PTPRD: variants seen among roughly 807,000 people sequenced by gnomAD.
The protein encoded by PTPRD is receptor-type tyrosine-protein phosphatase delta.
PTPRD carries 34 observed loss-of-function variants against 214.5 expected under a neutral mutation model. The ratio of observed to expected loss-of-function variants is 0.16; its 90% confidence interval spans 0.12 to 0.21. The LOEUF is 0.21. Ranked by LOEUF, PTPRD falls within the 10% of genes least tolerant of loss-of-function variation. The pLI, the probability that PTPRD is intolerant of heterozygous loss-of-function variation, is 1.00. For synonymous variants in PTPRD, 1,128 were observed against 845.7 expected (o/e 1.33, Z -5.79); for missense variants, 2,545 against 2,398.7 (o/e 1.06, Z -1.27).
intron 2 of PTPRD, among the ~76,000 whole-genome samples, chr9:10,498,202 G>A (rs982509554): frequency 1.3e-5 from 2 of 151,868 alleles, no homozygotes; most frequent in Non-Finnish European, 2.9e-5. Flanking sequence ...TGCCACCACG[G>A]ATTCTGATGC....
intron 8 of PTPRD, among the ~76,000 whole-genome samples, chr9:9,485,862 C>T (rs928372138): frequency 6.6e-6 from 1 of 152,070 alleles, no homozygotes; most frequent in East Asian, 1.9e-4. Flanking sequence ...TCTCTACTGC[C>T]TTCCCTTGGG....
chr9:10,385,515 C>T (rs543392881), intron 2 of PTPRD, among the ~76,000 whole-genome samples: 6 of 151,512 alleles, frequency 4.0e-5, no homozygotes, highest in Non-Finnish European at 7.4e-5. Flanking sequence ...TAAGTAAGTT[C>T]AAAGAATATA....
intron 7 of PTPRD, among the ~76,000 whole-genome samples, chr9:9,575,717 CAAAAAAAAAAAAAA>C (rs757614546): frequency 2.4e-4 from 8 of 33,312 alleles, no homozygotes; most frequent in Non-Finnish European, 3.7e-4. Context: ...AAGACTGTCT[CAAAAAAAAAAAAAA>C]AAAAAAAAAA....
chr9:10,156,713 G>C (rs2099095548), intron 3 of PTPRD, among the ~76,000 whole-genome samples: 1 of 152,134 alleles, frequency 6.6e-6, no homozygotes, highest in African/African-American at 2.4e-5. Context: ...TCAGTGTTCT[G>C]TCTAATACTG....
intron 9 of PTPRD, among the ~76,000 whole-genome samples, chr9:9,369,163 G>A (rs1019203033): frequency 6.6e-6 from 1 of 151,946 alleles, no homozygotes; most frequent in African/African-American, 2.4e-5. Flanking sequence ...GTCTATCATT[G>A]TTGGACATTT....
At chr9:9,794,908 T>A (rs1185513344) in intron 5 of PTPRD, among the ~76,000 whole-genome samples, 3 of 152,144 alleles carry the variant, frequency 2.0e-5, no homozygotes, top group African/African-American at 7.2e-5. Flanking sequence ...AAGGGGAAGA[T>A]AACAGTTTAG....
At chr9:9,126,239 G>C (rs1325343538) in intron 10 of PTPRD, among the ~76,000 whole-genome samples, 1 of 152,146 alleles carries the variant, frequency 6.6e-6, no homozygotes, top group East Asian at 1.9e-4. Flanking sequence ...AAAATACACT[G>C]AAGCTAACGA....
intron 3 of PTPRD, among the ~76,000 whole-genome samples, chr9:10,192,496 C>G (rs2099369863): frequency 2.0e-5 from 3 of 147,302 alleles, no homozygotes; most frequent in Non-Finnish European, 3.0e-5. Context: ...CACTACATTC[C>G]TTCCTTTAAA....
chr9:10,574,813 C>CATATAT (rs143887636), intron 2 of PTPRD, among the ~76,000 whole-genome samples: 6,501 of 136,286 alleles, frequency 0.048, 179 homozygotes, highest in African/African-American at 0.082. Context: ...TATGTGTGTG[C>CATATAT]ATATATATAT....
At chr9:9,908,627 T>C (rs909056940) in intron 5 of PTPRD, among the ~76,000 whole-genome samples, 1 of 152,044 alleles carries the variant, frequency 6.6e-6, no homozygotes, top group Non-Finnish European at 1.5e-5. Context: ...TAGTTGTCTA[T>C]GCAGTCTTTA....
rs971254588 is a variant in PTPRD, at chr9:10,212,996, T to C, written c.-545+127967A>G. On this transcript the variant is annotated intron_variant, in intron 3 of 45. Transcript: ENST00000381196. ...GTAACCTTAATCTACCATTTTCTAA[T>C]AGTTACCCTTGTATCATTGTTTGGC... 4.6e-5 allele frequency among the ~76,000 whole-genome samples: 7 copies of C among 152,270 alleles called. No homozygotes were observed. The East Asian group carries it at 1.2e-3, about 25-fold the overall frequency.
chr9:9,383,043 A>AT (rs5896324), intron 9 of PTPRD, among the ~76,000 whole-genome samples: 41,255 of 151,884 alleles, frequency 0.27, 5,802 homozygotes, highest in Middle Eastern at 0.38. Context: ...CTTAGGTAAA[A>AT]TTCCCTGCCA....
intron 9 of PTPRD, among the ~76,000 whole-genome samples, chr9:9,261,955 G>A (rs2099980313): frequency 6.6e-6 from 1 of 151,688 alleles, no homozygotes; most frequent in South Asian, 2.1e-4. Context: ...GCAGATAAAG[G>A]AAAGGAAATC....
At chr9:8,612,360 G>C (rs1211372504) in intron 14 of PTPRD, among the ~76,000 whole-genome samples, 1 of 152,198 alleles carries the variant, frequency 6.6e-6, no homozygotes, top group Non-Finnish European at 1.5e-5. Flanking sequence ...TAAAGGCCAA[G>C]ATTAAATGTA....
At chr9:10,377,252 G>A (rs1017970085) in intron 2 of PTPRD, among the ~76,000 whole-genome samples, 1 of 151,842 alleles carries the variant, frequency 6.6e-6, no homozygotes, top group Non-Finnish European at 1.5e-5. Flanking sequence ...TTTTATGGAT[G>A]AATAGCACTC....
At chr9:10,018,769 T>C (rs1206723536) in intron 4 of PTPRD, among the ~76,000 whole-genome samples, 1 of 151,614 alleles carries the variant, frequency 6.6e-6, no homozygotes, top group African/African-American at 2.4e-5. Flanking sequence ...CGGGATGGTC[T>C]CGATCTCCTG....
intron 11 of PTPRD, among the ~76,000 whole-genome samples, chr9:8,736,955 G>C (rs1374171355): frequency 1.3e-5 from 2 of 152,166 alleles, no homozygotes; most frequent in African/African-American, 2.4e-5. Context: ...CCTCATGCCA[G>C]CATTTCAAAT....
chr9:10,339,572 CG>C (rs2096902795), intron 3 of PTPRD, among the ~76,000 whole-genome samples: 2 of 151,504 alleles, frequency 1.3e-5, no homozygotes, highest in African/African-American at 2.4e-5. Context: ...CAAGATGGAT[CG>C]GCAAGATAGA....
chr9:10,228,406 C>A (rs1289686086), intron 3 of PTPRD, among the ~76,000 whole-genome samples: 1 of 151,988 alleles, frequency 6.6e-6, no homozygotes, highest in Non-Finnish European at 1.5e-5. Context: ...CATTAGCCAG[C>A]CTTCAGGTTA....
Sources: gnomAD v4.1 joint callset for allele counts (sites outside exome capture counted in the v4.1 genomes callset) on GRCh38, gnomAD v4.1.1 for gene constraint, MANE v1.5 for transcripts, NCBI Gene and HGNC (gene_info 2026-07-23, HGNC 2026-07-21) for gene names.